COMMD10: variants seen among roughly 807,000 people sequenced by gnomAD.
COMMD10 encodes the protein COMM domain-containing protein 10.
COMMD10 carries 33 observed loss-of-function variants against 28.9 expected under a neutral mutation model. The ratio of observed to expected loss-of-function variants is 1.14; its 90% confidence interval spans 0.87 to 1.53. The LOEUF (loss-of-function observed/expected upper bound fraction) is 1.53, where lower values mean the gene tolerates loss of function less well. Ranked by LOEUF, COMMD10 falls within the 40% of genes most tolerant of loss-of-function variation. The pLI, the probability that COMMD10 is intolerant of heterozygous loss-of-function variation, is 0.00. For missense variants in COMMD10, 310 were observed against 233.4 expected, an observed-to-expected ratio of 1.33 and a Z score of -2.14; for synonymous variants, 110 against 81.7, an observed-to-expected ratio of 1.35 and a Z score of -1.87.
chr5:116,286,587 C>G lies in COMMD10; in HGVS notation c.511-4930C>G, dbSNP rs528811765. ...CACTTTCATTTGTCTTAAGATATTTCCCAGTTCCAGTTCCCCTTATTACTT... is the reference window on the plus strand; with the variant it reads ...CACTTTCATTTGTCTTAAGATATTTGCCAGTTCCAGTTCCCCTTATTACTT... On this transcript the variant is annotated intron_variant, in intron 5 of 6. Transcript: ENST00000274458. Among the ~76,000 whole-genome samples the G allele has an allele frequency of 1.1e-3, 168 of 151,746 alleles. 1 individual carries two copies. The highest frequency in any genetic ancestry group is 1.8e-3 in the Non-Finnish European group (119 of 67,896).
At chr5:116,250,799 A>G (rs996635782) in intron 5 of COMMD10, among the ~76,000 whole-genome samples, 19 of 151,978 alleles carry the variant, frequency 1.3e-4, no homozygotes, top group African/African-American at 4.3e-4. Context: ...AGGAGACTCA[A>G]TTAAAGGACC....
chr5:116,207,946 C>G (rs1026869556), intron 5 of COMMD10, among the ~76,000 whole-genome samples: 2 of 152,062 alleles, frequency 1.3e-5, no homozygotes, highest in African/African-American at 2.4e-5. Context: ...GAATAAGAGA[C>G]CTTCATATTC....
chr5:116,155,563 GAA>G (rs1252517817), intron 5 of COMMD10, among the ~76,000 whole-genome samples: 2 of 152,136 alleles, frequency 1.3e-5, no homozygotes, highest in Non-Finnish European at 2.9e-5. Context: ...ATTCTGGTAA[GAA>G]AAAGAGAGGA....
At chr5:116,121,993 T>A (rs1317683191) in intron 4 of COMMD10, among the ~76,000 whole-genome samples, 1 of 152,122 alleles carries the variant, frequency 6.6e-6, no homozygotes, top group Admixed American at 6.6e-5. Flanking sequence ...TTAATTAGAT[T>A]CCATTTGACT....
intron 5 of COMMD10, among the ~76,000 whole-genome samples, chr5:116,221,475 C>A (rs1261889750): frequency 6.6e-6 from 1 of 152,140 alleles, no homozygotes; most frequent in Non-Finnish European, 1.5e-5. Flanking sequence ...ACACCAGTCC[C>A]TTAATCTTAT....
At chr5:116,269,069 A>C (rs1246720076) in intron 5 of COMMD10, among the ~76,000 whole-genome samples, 9 of 151,798 alleles carry the variant, frequency 5.9e-5, no homozygotes, top group African/African-American at 2.2e-4. Flanking sequence ...CATGTTGTGC[A>C]CATGTACCCT....
At chr5:116,203,178 A>C (rs767233151) in intron 5 of COMMD10, among the ~76,000 whole-genome samples, 6 of 152,126 alleles carry the variant, frequency 3.9e-5, no homozygotes, top group Non-Finnish European at 7.4e-5. Context: ...AGCGAGAAGG[A>C]AAGTTTAGAG....
chr5:116,100,051 C>A (rs1750607044), intron 4 of COMMD10, among the ~76,000 whole-genome samples: 1 of 152,074 alleles, frequency 6.6e-6, no homozygotes, highest in Admixed American at 6.5e-5. Flanking sequence ...TGAAGGTAAT[C>A]TTACACAATA....
At position 116,121,768 on chromosome 5, in the gene COMMD10, G is replaced by A. The variant is rs1418941519; in HGVS notation, c.400-12300G>A. On this transcript the variant is annotated intron_variant, in intron 4 of 6. Transcript: ENST00000274458. ...ATTTTTTCATGTGTCTGTTGGCTGTGTAGATGTCTTCTTTTGAGAAGTGTC... is the reference window on the plus strand; with the variant it reads ...ATTTTTTCATGTGTCTGTTGGCTGTATAGATGTCTTCTTTTGAGAAGTGTC... 5.3e-5 allele frequency among the ~76,000 whole-genome samples: 8 copies of A among 152,228 alleles called. No individual in the cohort carries two copies. The South Asian group carries it at 1.2e-3, about 24-fold the overall frequency.
intron 5 of COMMD10, among the ~76,000 whole-genome samples, chr5:116,275,318 G>A (rs909200351): frequency 6.6e-6 from 1 of 151,748 alleles, no homozygotes; most frequent in Non-Finnish European, 1.5e-5. Flanking sequence ...TCCCTTTCAT[G>A]TTCTCTTTTG....
rs116784544 is a variant in COMMD10, at chr5:116,166,192, A to C, written c.510+32014A>C. On this transcript the variant is annotated intron_variant, in intron 5 of 6. Transcript: ENST00000274458. ...TTGTTCCTCAGAGTTGTTACTGGTC[A>C]TAATTTAAGGGAAAATATATTTTGA... Among the ~76,000 whole-genome samples, 412 of 152,254 alleles carry C rather than the reference A, an allele frequency of 2.7e-3. 3 individuals are homozygous for C. Among genetic ancestry groups the C allele is most frequent in the African/African-American group, 9.4e-3 (391 of 41,516 alleles).
intron 5 of COMMD10, among the ~76,000 whole-genome samples, chr5:116,264,829 G>C (rs1340701822): frequency 6.6e-6 from 1 of 151,740 alleles, no homozygotes; most frequent in Admixed American, 6.6e-5. Flanking sequence ...TTTAGCCTAA[G>C]ACATTATTTG....
chr5:116,218,281 C>T (rs1749156927), intron 5 of COMMD10: 1 of 728,066 alleles, frequency 1.4e-6, no homozygotes, highest in African/African-American at 1.7e-5. Flanking sequence ...CCCCTTCAGC[C>T]TTTCTCTTGG....
chr5:116,096,288 A>G (rs1220212185), intron 4 of COMMD10, among the ~76,000 whole-genome samples: 1 of 149,232 alleles, frequency 6.7e-6, no homozygotes, highest in Non-Finnish European at 1.5e-5. Flanking sequence ...CAGCTTATCA[A>G]TCCTGCCCTT....
rs1337514930 is a variant in COMMD10, at chr5:116,230,579, CAATA to C, written c.511-60931_511-60928del. The stretch of plus-strand genomic sequence containing the variant: ...AATTTGTTGCTGTGTTTATTTCTCA[CAATA>C]AATAAACATGGGGTGCCTCCTGTAG... On this transcript the variant is annotated intron_variant, in intron 5 of 6. Coordinates refer to ENST00000274458, the MANE Select transcript of COMMD10 (RefSeq NM_016144.4). Among the ~76,000 whole-genome samples, 3 of 151,910 alleles carry C rather than the reference CAATA, an allele frequency of 2.0e-5. No homozygotes were observed. The East Asian group carries it at 5.8e-4, about 29-fold the overall frequency.
Position 116,134,078 on chromosome 5 carries a change from T to C in COMMD10, c.410T>C (p.Val137Ala), listed in dbSNP as rs1183393349. 6.3e-7 allele frequency: 1 copy of C among 1,596,674 alleles called. No homozygotes were observed. Among genetic ancestry groups the C allele is most frequent in the Non-Finnish European group, 8.6e-7 (1 of 1,163,766 alleles). Residue 137 changes from valine to alanine, a missense_variant, in exon 5 of 7, where the codon GTT (valine) becomes GCT (alanine). Physicochemically the swap from Val to Ala is moderately conservative, Grantham distance 64 (BLOSUM62 0). Coordinates refer to ENST00000274458, the MANE Select transcript of COMMD10 (RefSeq NM_016144.4). Reference protein sequence around the residue: ...RILAPCKLETVGWQLNLQMAH... With the variant: ...RILAPCKLETAGWQLNLQMAH... ...ACCTGTCTTTTATAGCTAGAGACCG[T>C]TGGATGGCAGCTTAACCTTCAGATG...
intron 5 of COMMD10, among the ~76,000 whole-genome samples, chr5:116,235,110 T>C (rs578031428): frequency 6.6e-6 from 1 of 152,190 alleles, no homozygotes; most frequent in Non-Finnish European, 1.5e-5. Flanking sequence ...CTTTTACCAC[T>C]TATTTTTTCC....
At chr5:116,085,418 C>A (rs1370179397) in intron 1 of COMMD10, 2 of 380,040 alleles carry the variant, frequency 5.3e-6, no homozygotes, top group Non-Finnish European at 9.5e-6. Flanking sequence ...GTGCTGCCTT[C>A]AGTGCTGCCG....
At chr5:116,138,827 T>C (rs752494988) in intron 5 of COMMD10, among the ~76,000 whole-genome samples, 1 of 151,794 alleles carries the variant, frequency 6.6e-6, no homozygotes, top group African/African-American at 2.4e-5. Context: ...TGACAAATTC[T>C]GTTTAGTGTG....
Sources: gnomAD v4.1 joint callset for allele counts (sites outside exome capture counted in the v4.1 genomes callset) on GRCh38, gnomAD v4.1.1 for gene constraint, MANE v1.5 for transcripts, NCBI Gene and HGNC (gene_info 2026-07-23, HGNC 2026-07-21) for gene names.